Variants in JAK1 observed in about 807,000 individuals in gnomAD.
JAK1 encodes Janus kinase 1, also known as tyrosine-protein kinase JAK1.
A neutral mutation model predicts 136.6 loss-of-function variants in JAK1; 16 were observed. That is an observed-to-expected ratio of 0.12 (90% confidence interval 0.08 to 0.18). The LOEUF (loss-of-function observed/expected upper bound fraction) is 0.18, where lower values mean the gene tolerates loss of function less well. JAK1 is among the 10% of genes least tolerant of loss of function. JAK1 has a pLI of 1.00. For synonymous variants in JAK1, 492 were observed against 519.5 expected, an observed-to-expected ratio of 0.95 and a Z score of 0.72; for missense variants, 859 against 1,450.1, an observed-to-expected ratio of 0.59 and a Z score of 6.62.
chr1:64,895,863 C>A (rs1006307929), intron 1 of JAK1, among the ~76,000 whole-genome samples: 2 of 152,218 alleles, frequency 1.3e-5, no homozygotes. Flanking sequence ...ATGATCACAT[C>A]TAGGGATGCT....
intron 5 of JAK1, among the ~76,000 whole-genome samples, 188 bp from the exon 6 acceptor site, chr1:64,869,662 C>G (rs577895682): frequency 4.6e-5 from 7 of 152,288 alleles, no homozygotes; most frequent in African/African-American, 1.2e-4. Flanking sequence ...TGTTCTCCCC[C>G]GCTCATTCAT....
intron 1 of JAK1, among the ~76,000 whole-genome samples, chr1:65,063,939 C>T (rs1160831293): frequency 6.6e-6 from 1 of 151,874 alleles, no homozygotes; most frequent in Non-Finnish European, 1.5e-5. Context: ...CTCTAGTAGC[C>T]ACACTAATAA....
chr1:64,868,886 T>A (rs1217481868), intron 6 of JAK1, among the ~76,000 whole-genome samples: 1 of 152,250 alleles, frequency 6.6e-6, no homozygotes, highest in Non-Finnish European at 1.5e-5. Context: ...TTAACAGCTC[T>A]GTAGTGAACT....
intron 2 of JAK1, among the ~76,000 whole-genome samples, chr1:64,976,226 C>T (rs892301093): frequency 2.6e-5 from 4 of 152,230 alleles, no homozygotes; most frequent in Non-Finnish European, 4.4e-5. Flanking sequence ...CCTCCTATCG[C>T]TGCAGGTGTG....
At chr1:64,978,482 C>T (rs1159701452) in intron 2 of JAK1, among the ~76,000 whole-genome samples, 2 of 152,098 alleles carry the variant, frequency 1.3e-5, no homozygotes, top group African/African-American at 4.8e-5. Context: ...TGAAGGCTTT[C>T]GTGGTTCCTA....
Position 64,844,285 on chromosome 1 carries a change from A to G in JAK1, c.2252-70T>C. 1 of 1,570,400 alleles carries G rather than the reference A, an allele frequency of 6.4e-7. No homozygotes were observed. The highest frequency in any genetic ancestry group is 8.8e-7 in the Non-Finnish European group (1 of 1,141,162). ...CTAGGGATTCAATTACTGTCACTGC[A>G]GCCAGAACAGTGAGCCAATGAAGGA... On this transcript the variant is annotated intron_variant, in intron 16 of 24. Coordinates refer to ENST00000342505, the MANE Select transcript of JAK1 (RefSeq NM_002227.4). This position sits in a 1 kb window ranked among gnomAD's most constrained non-coding sequence, Gnocchi z 5.7.
At chr1:64,841,624 G>A in intron 17 of JAK1, 23 bp from the exon 18 acceptor site, 1 of 1,612,656 alleles carries the variant, frequency 6.2e-7, no homozygotes. Context: ...GGGGCACATG[G>A]AAGAAACCAA....
chr1:64,845,441 C>T, intron 15 of JAK1, 72 bp downstream of exon 15: 1 of 1,578,868 alleles, frequency 6.3e-7, no homozygotes, highest in African/African-American at 1.3e-5. Flanking sequence ...TGGCTAGCAC[C>T]TCCTTCCTGC....
intron 1 of JAK1, among the ~76,000 whole-genome samples, chr1:64,962,046 G>A (rs1377302638): frequency 6.6e-6 from 1 of 152,108 alleles, no homozygotes; most frequent in African/African-American, 2.4e-5. Context: ...GTGCCATGAA[G>A]GGTTCTAGGA....
At position 64,884,408 on chromosome 1, in the gene JAK1, C is replaced by T. The variant is rs1644822624; in HGVS notation, c.7-933G>A. Among the ~76,000 whole-genome samples, 4 of 152,206 alleles carry T rather than the reference C, an allele frequency of 2.6e-5. No homozygotes were observed. The South Asian group carries it at 8.3e-4, about 31-fold the overall frequency. On this transcript the variant is annotated intron_variant, in intron 2 of 24. Coordinates refer to ENST00000342505, the MANE Select transcript of JAK1 (RefSeq NM_002227.4). ...ACTTTCTTCCTGTCTGCCAAGCCAA[C>T]CTTCACTTAAACCCCTAAAGTAATT...
At chr1:65,059,726 T>C (rs1647708449) in intron 1 of JAK1, among the ~76,000 whole-genome samples, 1 of 152,206 alleles carries the variant, frequency 6.6e-6, no homozygotes, top group African/African-American at 2.4e-5. Flanking sequence ...ACTTGGGTTT[T>C]TTCCATGTCA....
chr1:64,894,642 TG>T (rs1644987408), intron 1 of JAK1, among the ~76,000 whole-genome samples: 1 of 151,820 alleles, frequency 6.6e-6, no homozygotes, highest in Admixed American at 6.6e-5. Context: ...CCGGGCGTGG[TG>T]GTGGGTGCCT....
chr1:64,859,830 T>C (rs1235699106), intron 9 of JAK1: 5 of 244,250 alleles, frequency 2.0e-5, no homozygotes, highest in Non-Finnish European at 3.9e-5. Flanking sequence ...TCAGAAAGTG[T>C]AGTACTTCTT....
At chr1:64,944,971 T>C (rs1447315308) in intron 1 of JAK1, among the ~76,000 whole-genome samples, 1 of 151,818 alleles carries the variant, frequency 6.6e-6, no homozygotes, top group Non-Finnish European at 1.5e-5. Flanking sequence ...CGAGAAGCAC[T>C]TGGCACCTTG....
chr1:65,010,154 A>G (rs1250580171), intron 2 of JAK1, among the ~76,000 whole-genome samples: 1 of 152,160 alleles, frequency 6.6e-6, no homozygotes, highest in East Asian at 1.9e-4. Context: ...GAAGAGTCTA[A>G]TTGCCCTCCC....
At chr1:64,929,575 C>T (rs1210883745) in intron 1 of JAK1, among the ~76,000 whole-genome samples, 2 of 152,194 alleles carry the variant, frequency 1.3e-5, no homozygotes, top group Middle Eastern at 3.2e-3. Context: ...GTTCTCTTGA[C>T]TTTACCATAA....
rs558648643 is a variant in JAK1 at position 65,016,909 on chromosome 1, T to A, written c.-78+27571A>T. Reference sequence around the variant, plus strand: ...CAAGACTCCATCTCAAAAAAATAAGTAAATAAATAAAAACTTAAAATGGCA... The same window carrying A: ...CAAGACTCCATCTCAAAAAAATAAGAAAATAAATAAAAACTTAAAATGGCA... On this transcript the variant is annotated intron_variant, in intron 2 of 25. Transcript: ENST00000671954. Among the ~76,000 whole-genome samples, 340 of 151,708 alleles carry A rather than the reference T, an allele frequency of 2.2e-3. 3 individuals are homozygous for A. Among genetic ancestry groups the A allele is most frequent in the African/African-American group, 7.9e-3 (326 of 41,352 alleles).
At chr1:65,041,971 A>T (rs1451316195) in intron 2 of JAK1, among the ~76,000 whole-genome samples, 12 of 152,164 alleles carry the variant, frequency 7.9e-5, no homozygotes, top group Admixed American at 7.9e-4. Flanking sequence ...TGAATCCAGG[A>T]GGCGGAGGTT....
chr1:64,870,655 G>A (rs1415239718), intron 5 of JAK1, among the ~76,000 whole-genome samples: 2 of 152,062 alleles, frequency 1.3e-5, no homozygotes, highest in Admixed American at 1.3e-4. Flanking sequence ...CCTTTCTCCA[G>A]CTTGGAGCAG....
Sources: gnomAD v4.1 joint callset for allele counts (sites outside exome capture counted in the v4.1 genomes callset) on GRCh38, gnomAD v4.1.1 for gene constraint, Gnocchi (gnomAD v3.1) non-coding constraint, MANE v1.5 for transcripts, NCBI Gene and HGNC (gene_info 2026-07-23, HGNC 2026-07-21) for gene names.